C8A: variants seen among roughly 807,000 people sequenced by gnomAD.
C8A encodes complement component C8 alpha chain.
A neutral mutation model predicts 65.3 loss-of-function variants in C8A; 67 were observed. The observed-to-expected ratio is 1.03, with a 90% confidence interval of 0.84 to 1.26. C8A has a LOEUF of 1.26. Ranked by LOEUF, C8A falls within the 50% of genes most tolerant of loss-of-function variation. The pLI, the probability that C8A is intolerant of heterozygous loss-of-function variation, is 0.00. For missense variants in C8A, 781 were observed against 723.9 expected, an observed-to-expected ratio of 1.08 and a Z score of -0.90; for synonymous variants, 290 against 259.4, an observed-to-expected ratio of 1.12 and a Z score of -1.13.
chr1:56,889,480 CTT>C (rs1644327715), intron 7 of C8A, among the ~76,000 whole-genome samples: 2 of 152,174 alleles, frequency 1.3e-5, no homozygotes, highest in African/African-American at 2.4e-5. Context: ...GTCTTATTCT[CTT>C]CCCCTCGGTC....
intron 5 of C8A, 120 bp from the exon 6 acceptor site, chr1:56,883,361 G>T (rs1271741337): frequency 2.4e-6 from 2 of 839,286 alleles, no homozygotes; most frequent in African/African-American, 1.7e-5. Flanking sequence ...CCTTATAAAA[G>T]AATTACCTAC....
Position 56,911,070 on chromosome 1 carries a change from T to TTTTTG in C8A, c.1381-1329_1381-1328insGTTTT, listed in dbSNP as rs1553177917. Among the ~76,000 whole-genome samples the TTTTTG allele has an allele frequency of 7.2e-5, 11 of 151,754 alleles. 1 individual carries two copies. Among genetic ancestry groups the TTTTTG allele is most frequent in the Admixed American group, 5.9e-4 (9 of 15,260 alleles). On this transcript the variant is annotated intron_variant, in intron 9 of 10. Transcript: ENST00000361249. ...ATGCAATTTGAAAAACATGGGTTTT[T>TTTTTG]TTTTTTTTTTTACTATTATCACATA... is the stretch of plus-strand genomic sequence containing the variant.
At chr1:56,867,122 A>G (rs1321170384) in intron 1 of C8A, among the ~76,000 whole-genome samples, 2 of 152,158 alleles carry the variant, frequency 1.3e-5, no homozygotes, top group Non-Finnish European at 2.9e-5. Context: ...CTTGTAGTAA[A>G]CCTTTCATAA....
At chr1:56,909,041 C>T (rs942704792) in intron 9 of C8A, among the ~76,000 whole-genome samples, 3 of 152,248 alleles carry the variant, frequency 2.0e-5, no homozygotes, top group East Asian at 1.9e-4. Flanking sequence ...CAGAACAGAC[C>T]CCACAGCAAA....
chr1:56,857,825 A>G (rs1350683763), intron 1 of C8A, among the ~76,000 whole-genome samples: 1 of 151,906 alleles, frequency 6.6e-6, no homozygotes, highest in East Asian at 1.9e-4. Context: ...TCATTCATAT[A>G]TGTTTTCTGC....
chr1:56,858,799 T>A (rs1644001755), intron 1 of C8A, among the ~76,000 whole-genome samples: 1 of 152,236 alleles, frequency 6.6e-6, no homozygotes, highest in Non-Finnish European at 1.5e-5. Context: ...TCTTTAGCAA[T>A]ACTTCAGGTG....
intron 2 of C8A, among the ~76,000 whole-genome samples, chr1:56,872,247 C>A (rs1644153060): frequency 6.6e-6 from 1 of 152,132 alleles, no homozygotes; most frequent in Non-Finnish European, 1.5e-5. Context: ...TAATAAAAAG[C>A]TGTAATCAAA....
At chr1:56,890,801 G>A (rs1644338911) in intron 7 of C8A, among the ~76,000 whole-genome samples, 1 of 152,086 alleles carries the variant, frequency 6.6e-6, no homozygotes, top group Non-Finnish European at 1.5e-5. Flanking sequence ...GCCTCCTTAA[G>A]CATCACCTTT....
intron 1 of C8A, among the ~76,000 whole-genome samples, chr1:56,867,016 A>G (rs1240506241): frequency 2.6e-5 from 4 of 152,204 alleles, no homozygotes; most frequent in East Asian, 1.9e-4. Flanking sequence ...TACACTGTAC[A>G]TAAAATAGAT....
intron 7 of C8A, among the ~76,000 whole-genome samples, chr1:56,889,451 A>G (rs774021251): frequency 1.8e-3 from 273 of 152,228 alleles, no homozygotes; most frequent in Non-Finnish European, 1.8e-3. Context: ...TTTTGTATCA[A>G]TCTAATAGCT....
At chr1:56,857,220 C>T (rs1383503494) in intron 1 of C8A, among the ~76,000 whole-genome samples, 2 of 151,898 alleles carry the variant, frequency 1.3e-5, no homozygotes, top group African/African-American at 2.4e-5. Context: ...AAGAATGTTG[C>T]AATCTCCAAC....
At chr1:56,871,071 C>G (rs911328186) in intron 2 of C8A, among the ~76,000 whole-genome samples, 1 of 152,142 alleles carries the variant, frequency 6.6e-6, no homozygotes, top group Non-Finnish European at 1.5e-5. Flanking sequence ...TGGGAATGAA[C>G]CTTATGGCTT....
chr1:56,864,139 G>A (rs1324917920), intron 1 of C8A, among the ~76,000 whole-genome samples: 1 of 152,192 alleles, frequency 6.6e-6, no homozygotes, highest in African/African-American at 2.4e-5. Context: ...GAAATCATAT[G>A]AAGGAGGTTT....
intron 7 of C8A, among the ~76,000 whole-genome samples, chr1:56,894,255 T>G (rs6696924): frequency 0.28 from 43,229 of 151,892 alleles, 6,342 homozygotes; most frequent in South Asian, 0.49. Context: ...CTGGTATATT[T>G]GCTGTGGACT....
At chr1:56,857,909 T>C (rs1405255060) in intron 1 of C8A, among the ~76,000 whole-genome samples, 1 of 152,120 alleles carries the variant, frequency 6.6e-6, no homozygotes, top group African/African-American at 2.4e-5. Context: ...GTCCCACAGG[T>C]CAGTGATGCT....
In C8A at chr1:56,868,263, G is replaced by C. The variant is rs368008454; in HGVS notation, c.171+561G>C. Among the ~76,000 whole-genome samples the C allele has an allele frequency of 2.2e-4, 34 of 151,746 alleles. 1 individual carries two copies. The East Asian group carries it at 4.7e-3, about 21-fold the overall frequency. On this transcript the variant is annotated intron_variant, in intron 2 of 10. Coordinates refer to ENST00000361249, the MANE Select transcript of C8A (RefSeq NM_000562.3). ...GTTGGGAGCCCTCCACTCAGGCAGA[G>C]GCGAGTATTAAAATTCTGACTTTGT...
chr1:56,885,420 A>ATATTTACATAAATATATATT (rs1442607673), intron 6 of C8A, among the ~76,000 whole-genome samples: 2,270 of 85,812 alleles, frequency 0.026, 421 homozygotes, highest in African/African-American at 0.094. Context: ...ATTTAAATAT[A>ATATTTACATAAATATATATT]TATTTAAATA....
chr1:56,900,664 T>C (rs1345726757), intron 7 of C8A, among the ~76,000 whole-genome samples: 4 of 152,206 alleles, frequency 2.6e-5, no homozygotes, highest in African/African-American at 9.6e-5. Context: ...TAGCATGAGA[T>C]ATTACAAAAC....
chr1:56,867,142 T>C (rs1157683234), intron 1 of C8A, among the ~76,000 whole-genome samples: 1 of 152,218 alleles, frequency 6.6e-6, no homozygotes, highest in Non-Finnish European at 1.5e-5. Context: ...AGCATTTCAA[T>C]ACACTTTCAA....
Sources: gnomAD v4.1 joint callset for allele counts (sites outside exome capture counted in the v4.1 genomes callset) on GRCh38, gnomAD v4.1.1 for gene constraint, MANE v1.5 for transcripts, NCBI Gene and HGNC (gene_info 2026-07-23, HGNC 2026-07-21) for gene names.